The following DYTN variants were observed in gnomAD, a reference collection of about 807,000 sequenced individuals.
DYTN encodes the protein dystrotelin.
In DYTN, 75 loss-of-function variants were observed where a neutral mutation model predicts 69.6. The observed-to-expected ratio is 1.08, with a 90% CI of 0.89 to 1.31. The LOEUF is 1.31. Among genes scored for constraint, DYTN ranks in the 50% most tolerant of loss-of-function variants. The probability of loss-of-function intolerance (pLI) is 0.00; values close to 1 mark genes in which losing one functional copy is unlikely to be tolerated. For synonymous variants in DYTN, 252 were observed against 249.1 expected (o/e 1.01, Z -0.11); for missense variants, 726 against 688.4 (o/e 1.05, Z -0.61).
At position 206,671,871 on chromosome 2, in the gene DYTN, G is replaced by A. The variant is rs536092122; in HGVS notation, c.981-5842C>T. Reference sequence around the variant, plus strand: ...GACACTATGGTTTATTTAGTCATTCGCAATGAAAGCATAAGCTGTTTCCAA... The same window carrying A: ...GACACTATGGTTTATTTAGTCATTCACAATGAAAGCATAAGCTGTTTCCAA... On this transcript the variant is annotated intron_variant, in intron 9 of 11. Transcript: ENST00000452335. 2.0e-4 allele frequency among the ~76,000 whole-genome samples: 30 copies of A among 152,250 alleles called. No individual in the cohort carries two copies. The South Asian group carries it at 4.6e-3, about 23-fold the overall frequency.
At position 206,700,502 on chromosome 2, in the gene DYTN, T is replaced by C. The variant is rs1411936582; in HGVS notation, c.484-286A>G. ...TGCTTCCTTCTGTTTTATTTTCTTG[T>C]GATTCCAAATTATTTTATCCTTTCT... On this transcript the variant is annotated intron_variant, in intron 5 of 11. Transcript: ENST00000452335. Among the ~76,000 whole-genome samples the C allele has an allele frequency of 2.0e-5, 3 of 152,200 alleles. No homozygotes were observed. The East Asian group carries it at 5.8e-4, about 29-fold the overall frequency.
At position 206,651,802 on chromosome 2, in the gene DYTN, G is replaced by A. The variant is rs761817544; in HGVS notation, c.*16C>T. On this transcript the variant is annotated 3_prime_UTR_variant, in exon 12 of 12. Transcript: ENST00000452335. ...TTTGTCATCACACCAAGAGGCCTTT[G>A]AGCCTGGACTCCATTTCACTTCAAA... 4 of 1,611,316 alleles carry A rather than the reference G, an allele frequency of 2.5e-6. No individual in the cohort carries two copies. The African/African-American group carries it at 4.0e-5, about 16-fold the overall frequency.
intron 9 of DYTN, among the ~76,000 whole-genome samples, chr2:206,677,276 C>T (rs1699701010): frequency 6.6e-6 from 1 of 152,062 alleles, no homozygotes; most frequent in Non-Finnish European, 1.5e-5. Flanking sequence ...TCAATTGTAT[C>T]TCAATAAATT....
At chr2:206,659,024 C>T (rs1482553152) in intron 11 of DYTN, among the ~76,000 whole-genome samples, 1 of 149,154 alleles carries the variant, frequency 6.7e-6, no homozygotes, top group Non-Finnish European at 1.5e-5. Context: ...CAAGGAACAG[C>T]TGACACTTTT....
At chr2:206,680,813 C>G (rs1221039822) in intron 9 of DYTN, among the ~76,000 whole-genome samples, 2 of 152,104 alleles carry the variant, frequency 1.3e-5, no homozygotes, top group African/African-American at 4.8e-5. Context: ...CCCTGTTGCA[C>G]CAGTTCATCA....
intron 9 of DYTN, among the ~76,000 whole-genome samples, 190 bp from the exon 10 acceptor site, chr2:206,666,219 T>C (rs1182859896): frequency 3.3e-5 from 5 of 152,152 alleles, no homozygotes; most frequent in African/African-American, 1.2e-4. Context: ...GGCGCGATCT[T>C]GGTTCACTGC....
At chr2:206,652,297 A>T (rs149880473) in intron 11 of DYTN, among the ~76,000 whole-genome samples, 150 of 152,244 alleles carry the variant, frequency 9.9e-4, no homozygotes, top group Middle Eastern at 3.4e-3. Flanking sequence ...GAGCCTGAGC[A>T]TTTATATTTA....
intron 11 of DYTN, among the ~76,000 whole-genome samples, chr2:206,660,332 G>A (rs1488571135): frequency 1.8e-4 from 27 of 152,084 alleles, no homozygotes; most frequent in Non-Finnish European, 1.8e-4. Context: ...TTAGCTTTAA[G>A]TATTAAACTG....
chr2:206,668,705 A>G (rs1699599636), intron 9 of DYTN, among the ~76,000 whole-genome samples: 1 of 152,164 alleles, frequency 6.6e-6, no homozygotes, highest in Non-Finnish European at 1.5e-5. Flanking sequence ...TCCATTACTG[A>G]TATGGTTTGG....
At chr2:206,711,635 G>A (rs1035168385) in intron 1 of DYTN, among the ~76,000 whole-genome samples, 1 of 151,220 alleles carries the variant, frequency 6.6e-6, no homozygotes, top group African/African-American at 2.4e-5. Flanking sequence ...TGCACAATGT[G>A]CAGGTTAGTT....
chr2:206,694,822 CA>C lies in DYTN; in HGVS notation c.774del (p.Gly259ValfsTer57), dbSNP rs1281845404. The C allele has an allele frequency of 1.9e-6, 3 of 1,609,156 alleles. No homozygotes were observed. Among genetic ancestry groups the C allele is most frequent in the Non-Finnish European group, 2.5e-6 (3 of 1,178,540 alleles). On this transcript the variant is annotated frameshift_variant, in exon 8 of 12. Coordinates refer to ENST00000452335, the MANE Select transcript of DYTN (RefSeq NM_001093730.1). LOFTEE classifies it high-confidence loss of function. ...NFDICQMCFL[S>X]GLHSKSHQKS... is the part of the protein sequence containing the mutation. ...TTCTGATGGGACTTGCTGTGAAGAC[CA>C]GATAAGAAACACATCTGGCAGATGT...
chr2:206,676,470 T>G (rs2105892289), intron 9 of DYTN, among the ~76,000 whole-genome samples: 1 of 152,218 alleles, frequency 6.6e-6, no homozygotes, highest in Non-Finnish European at 1.5e-5. Context: ...GGACAAATAG[T>G]TAACGCATGC....
At chr2:206,681,551 A>G (rs996327406) in intron 9 of DYTN, among the ~76,000 whole-genome samples, 2 of 152,128 alleles carry the variant, frequency 1.3e-5, no homozygotes, top group Non-Finnish European at 2.9e-5. Context: ...ACGTTCCATC[A>G]ATACCTAGTT....
At chr2:206,660,619 C>G (rs560425114) in intron 11 of DYTN, among the ~76,000 whole-genome samples, 5 of 152,350 alleles carry the variant, frequency 3.3e-5, no homozygotes, top group South Asian at 2.1e-4. Flanking sequence ...GAATACTCAT[C>G]ATGACCCCAA....
At chr2:206,654,044 A>C (rs1204996912) in intron 11 of DYTN, among the ~76,000 whole-genome samples, 2 of 152,250 alleles carry the variant, frequency 1.3e-5, no homozygotes, top group Non-Finnish European at 2.9e-5. Flanking sequence ...TGCTTGGCAC[A>C]CAACAAATGC....
chr2:206,697,170 C>G (rs945929763), intron 7 of DYTN, among the ~76,000 whole-genome samples: 1 of 152,158 alleles, frequency 6.6e-6, no homozygotes. Flanking sequence ...ATATGCTGCT[C>G]TATCCTTAAA....
At chr2:206,680,483 G>A (rs980534754) in intron 9 of DYTN, among the ~76,000 whole-genome samples, 1 of 152,092 alleles carries the variant, frequency 6.6e-6, no homozygotes, top group African/African-American at 2.4e-5. Context: ...AAAAAACAAG[G>A]AAATCATTCC....
At chr2:206,665,120 C>T (rs1207248702) in intron 10 of DYTN, among the ~76,000 whole-genome samples, 1 of 152,128 alleles carries the variant, frequency 6.6e-6, no homozygotes, top group Admixed American at 6.6e-5. Context: ...TGTGTGAGGC[C>T]TGATTTCTTC....
At chr2:206,695,889 C>T (rs1305917861) in intron 7 of DYTN, among the ~76,000 whole-genome samples, 3 of 152,180 alleles carry the variant, frequency 2.0e-5, no homozygotes, top group African/African-American at 7.2e-5. Context: ...ATTTCCTTCA[C>T]GTATACCACT....
Sources: allele counts gnomAD v4.1 joint callset (sites outside exome capture counted in the v4.1 genomes callset), GRCh38; gene constraint gnomAD v4.1.1; transcripts MANE v1.5; gene names NCBI Gene and HGNC (gene_info 2026-07-23, HGNC 2026-07-21).